VIPR2: variants seen among roughly 807,000 people sequenced by gnomAD.
VIPR2 encodes the protein vasoactive intestinal polypeptide receptor 2.
VIPR2 carries 48 observed loss-of-function variants against 58.0 expected under a neutral mutation model. The ratio of observed to expected loss-of-function variants is 0.83; its 90% CI spans 0.66 to 1.05. The LOEUF is 1.05. Among genes scored for constraint, VIPR2 ranks in the 50% least tolerant of loss-of-function variants. The probability of loss-of-function intolerance (pLI) is 0.00; values close to 1 mark genes in which losing one functional copy is unlikely to be tolerated. For synonymous variants in VIPR2, 243 were observed against 235.2 expected (o/e 1.03, Z -0.30); for missense variants, 534 against 558.0 (o/e 0.96, Z 0.43).
At chr7:159,138,303 T>A (rs1797312917) in intron 2 of VIPR2, among the ~76,000 whole-genome samples, 1 of 152,132 alleles carries the variant, frequency 6.6e-6, no homozygotes, top group Admixed American at 6.5e-5. Flanking sequence ...AGGTGTAAAA[T>A]GGGTTGTGAT....
In VIPR2 at chr7:159,069,378, C is replaced by T. The variant is rs185673586; in HGVS notation, c.358-10800G>A. On this transcript the variant is annotated intron_variant, in intron 4 of 12. Transcript: ENST00000262178. ...CTGGGTATGCACTCCTGGGAACGAA[C>T]GGCTGTAGGCCCCAGACAACAATGC... is the stretch of plus-strand genomic sequence containing the variant. Among the ~76,000 whole-genome samples the T allele has an allele frequency of 4.6e-5, 7 of 152,290 alleles. No homozygotes were observed. In the East Asian group the frequency reaches 9.7e-4, roughly 21 times the overall value.
chr7:159,118,101 T>TGCACA (rs1350415319), intron 2 of VIPR2, among the ~76,000 whole-genome samples: 1 of 152,182 alleles, frequency 6.6e-6, no homozygotes, highest in African/African-American at 2.4e-5. Context: ...ATACTCCCCT[T>TGCACA]GCACAGCAAA....
intron 2 of VIPR2, among the ~76,000 whole-genome samples, chr7:159,118,775 G>C (rs1290061338): frequency 6.6e-6 from 1 of 152,246 alleles, no homozygotes; most frequent in Non-Finnish European, 1.5e-5. Context: ...GCTGTGACCA[G>C]AACAACGTGG....
intron 4 of VIPR2, among the ~76,000 whole-genome samples, chr7:159,100,642 TG>T (rs1217134278): frequency 6.6e-6 from 1 of 152,260 alleles, no homozygotes; most frequent in African/African-American, 2.4e-5. Flanking sequence ...AATTCCGACA[TG>T]TGGGAGGGAC....
chr7:159,042,360 G>A (rs373154838), intron 6 of VIPR2, among the ~76,000 whole-genome samples: 5 of 152,096 alleles, frequency 3.3e-5, no homozygotes, highest in South Asian at 2.1e-4. Flanking sequence ...TTGGTAGAAC[G>A]GCCTGCATGT....
chr7:159,097,528 A>G lies in VIPR2; in HGVS notation c.357+6229T>C, dbSNP rs1430729641. ...AGCAATGGCAGGGCTGTGAGTGCCC[A>G]GGGTGTTAGAGATTCTACTGCCTTG... is the stretch of plus-strand genomic sequence containing the variant. On this transcript the variant is annotated intron_variant, in intron 4 of 12. Transcript: ENST00000262178. The surrounding 1 kb of genome is among the most constrained non-coding windows in gnomAD (Gnocchi z 5.3). Among the ~76,000 whole-genome samples, 3 of 152,024 alleles carry G rather than the reference A, an allele frequency of 2.0e-5. No individual in the cohort carries two copies. The highest frequency in any genetic ancestry group is 7.2e-5 in the African/African-American group (3 of 41,390).
At chr7:159,084,864 T>C (rs978912272) in intron 4 of VIPR2, among the ~76,000 whole-genome samples, 1 of 152,184 alleles carries the variant, frequency 6.6e-6, no homozygotes, top group Admixed American at 6.5e-5. Flanking sequence ...TTCTCAAATG[T>C]TTTAGACACC....
chr7:159,061,032 G>A (rs1027354111), intron 4 of VIPR2, among the ~76,000 whole-genome samples: 1 of 152,194 alleles, frequency 6.6e-6, no homozygotes, highest in Admixed American at 6.5e-5. Flanking sequence ...TACATACAGA[G>A]CATGGAATAT....
At chr7:159,126,729 C>T (rs1315635217) in intron 2 of VIPR2, among the ~76,000 whole-genome samples, 1 of 152,200 alleles carries the variant, frequency 6.6e-6, no homozygotes, top group Non-Finnish European at 1.5e-5. Flanking sequence ...AGGCAGAAAC[C>T]AGGCAAGACA....
chr7:159,055,209 C>G (rs577926921), intron 5 of VIPR2, among the ~76,000 whole-genome samples: 151 of 152,236 alleles, frequency 9.9e-4, no homozygotes, highest in Non-Finnish European at 1.7e-3. Flanking sequence ...ACCCAGAGAC[C>G]AGGAGTTCCT....
At position 159,097,903 on chromosome 7, in the gene VIPR2, G is replaced by A. The variant is rs983307038; in HGVS notation, c.357+5854C>T. Among the ~76,000 whole-genome samples, 5 of 152,140 alleles carry A rather than the reference G, an allele frequency of 3.3e-5. No homozygotes were observed. Among genetic ancestry groups the A allele is most frequent in the South Asian group, 2.1e-4 (1 of 4,830 alleles). ...CTGAGGCCAAGGCTTCTGGCCTCTCGTGTAAGGATTCCAGGCTCTGACTCC... is the reference window on the plus strand; with the variant it reads ...CTGAGGCCAAGGCTTCTGGCCTCTCATGTAAGGATTCCAGGCTCTGACTCC... On this transcript the variant is annotated intron_variant, in intron 4 of 12. Coordinates refer to ENST00000262178, the MANE Select transcript of VIPR2 (RefSeq NM_003382.5). This position sits in a 1 kb window ranked among gnomAD's most constrained non-coding sequence, Gnocchi z 5.3.
At chr7:159,133,220 A>G (rs1797055136) in intron 2 of VIPR2, among the ~76,000 whole-genome samples, 1 of 152,310 alleles carries the variant, frequency 6.6e-6, no homozygotes, top group Non-Finnish European at 1.5e-5. Context: ...AGCTATTACA[A>G]AAGCAGCCAC....
chr7:159,117,497 C>T, intron 2 of VIPR2: 2 of 697,400 alleles, frequency 2.9e-6, no homozygotes, highest in South Asian at 1.6e-5. Flanking sequence ...GGTGGGGCTG[C>T]ACCTGCTGAC....
chr7:159,065,890 CCA>C (rs1213487279), intron 4 of VIPR2, among the ~76,000 whole-genome samples: 7 of 152,206 alleles, frequency 4.6e-5, no homozygotes, highest in African/African-American at 1.7e-4. Context: ...ATGAAAGAAG[CCA>C]CACAGAGCAC....
At chr7:159,063,805 CCGGGGG>C (rs1180315839) in intron 4 of VIPR2, among the ~76,000 whole-genome samples, 4 of 78,794 alleles carry the variant, frequency 5.1e-5, no homozygotes, top group African/African-American at 1.4e-4. Flanking sequence ...CTGGTGGGGT[CCGGGGG>C]TCCTGGTGGG....
At chr7:159,065,782 C>T (rs1407930451) in intron 4 of VIPR2, among the ~76,000 whole-genome samples, 3 of 152,190 alleles carry the variant, frequency 2.0e-5, no homozygotes, top group African/African-American at 7.2e-5. Context: ...AGAAAGTACC[C>T]TGGTTTTCTG....
At chr7:159,078,800 G>A (rs1331820179) in intron 4 of VIPR2, among the ~76,000 whole-genome samples, 1 of 152,178 alleles carries the variant, frequency 6.6e-6, no homozygotes, top group African/African-American at 2.4e-5. Flanking sequence ...GAAAATGCAG[G>A]TGGGCTTGGA....
intron 5 of VIPR2, among the ~76,000 whole-genome samples, chr7:159,053,862 G>A (rs1160755204): frequency 6.6e-6 from 1 of 152,154 alleles, no homozygotes; most frequent in African/African-American, 2.4e-5. Context: ...TTTTTAAAAC[G>A]GCAATTGACA....
At chr7:159,109,244 T>C (rs1331788330) in intron 3 of VIPR2, among the ~76,000 whole-genome samples, 1 of 152,170 alleles carries the variant, frequency 6.6e-6, no homozygotes, top group Non-Finnish European at 1.5e-5. Flanking sequence ...AGCCAAGAGA[T>C]ATTGGCAGCA....
Sources: gnomAD v4.1 joint callset for allele counts (sites outside exome capture counted in the v4.1 genomes callset) on GRCh38, gnomAD v4.1.1 for gene constraint, Gnocchi (gnomAD v3.1) non-coding constraint, MANE v1.5 for transcripts, NCBI Gene and HGNC (gene_info 2026-07-23, HGNC 2026-07-21) for gene names.